The following ZMAT4 variants were observed in gnomAD, a reference collection of about 807,000 sequenced individuals.
The protein encoded by ZMAT4 is zinc finger matrin-type 4, also known as zinc finger matrin-type protein 4.
A neutral mutation model predicts 28.7 loss-of-function variants in ZMAT4; 17 were observed. The observed-to-expected ratio is 0.59, with a 90% CI of 0.41 to 0.89. The LOEUF (loss-of-function observed/expected upper bound fraction) is 0.89. Among genes scored for constraint, ZMAT4 ranks in the 40% least tolerant of loss-of-function variants. The pLI, the probability that ZMAT4 is intolerant of heterozygous loss-of-function variation, is 0.00. For synonymous variants in ZMAT4, 117 were observed against 109.2 expected, an observed-to-expected ratio of 1.07 and a Z score of -0.44; for missense variants, 240 against 283.8, an observed-to-expected ratio of 0.85 and a Z score of 1.11.
At chr8:40,732,264 A>G (rs1811572272) in intron 3 of ZMAT4, among the ~76,000 whole-genome samples, 1 of 142,254 alleles carries the variant, frequency 7.0e-6, no homozygotes, top group Non-Finnish European at 1.6e-5. Flanking sequence ...TGGGAAAAAA[A>G]GAAAAAAAGA....
intron 1 of ZMAT4, among the ~76,000 whole-genome samples, chr8:40,846,227 A>G (rs954498242): frequency 6.6e-6 from 1 of 152,190 alleles, no homozygotes; most frequent in Non-Finnish European, 1.5e-5. Flanking sequence ...TTTCTTATAT[A>G]TAACCTTTTA....
At chr8:40,776,930 T>A (rs547917555) in intron 2 of ZMAT4, among the ~76,000 whole-genome samples, 13 of 152,168 alleles carry the variant, frequency 8.5e-5, no homozygotes, top group African/African-American at 3.1e-4. Context: ...TCTTTCTTTT[T>A]TTTTTTTTTG....
chr8:40,601,607 A>C lies in ZMAT4; in HGVS notation c.578-20346T>G, dbSNP rs1364303507. Among the ~76,000 whole-genome samples the C allele has an allele frequency of 3.8e-4, 3 of 7,882 alleles. No individual in the cohort carries two copies. In the Admixed American group the frequency reaches 4.4e-3, roughly 11 times the overall value. The allele number at this position is 7,882 out of a possible 152,430, so 5.2% of individuals were successfully genotyped here. A position where few individuals can be genotyped will look rare whatever the true frequency, so the allele number is the denominator to read the frequency against. On this transcript the variant is annotated intron_variant, in intron 5 of 6. Coordinates refer to ENST00000297737, the MANE Select transcript of ZMAT4 (RefSeq NM_024645.3). ...GAAAGAAAGAAAGAAAGAAAGAAAG[A>C]AAGAAAGAAAGAAAGAAAGAAAGAA...
chr8:40,626,693 T>A (rs1023677898), intron 5 of ZMAT4, among the ~76,000 whole-genome samples: 2 of 152,170 alleles, frequency 1.3e-5, no homozygotes, highest in Non-Finnish European at 2.9e-5. Context: ...TGGTGTGAAG[T>A]CAGGCCTCTG....
At position 40,786,654 on chromosome 8, in the gene ZMAT4, C is replaced by T. The variant is rs764531637; in HGVS notation, c.103-18924G>A. On this transcript the variant is annotated intron_variant, in intron 2 of 6. Transcript: ENST00000297737. ...CCTTCTGTGAACATCCATTCATTAA[C>T]CATCCTCATTCAGTCCTTGTGCCTC... The T allele has an allele frequency of 4.7e-6, 6 of 1,268,060 alleles. No individual in the cohort carries two copies. In the South Asian group the frequency reaches 7.7e-5, roughly 16 times the overall value. 78.6% of individuals were successfully genotyped at this position (1,268,060 alleles called of 1,614,324 possible). A position where few individuals can be genotyped will look rare whatever the true frequency, so the allele number is the denominator to read the frequency against.
chr8:40,555,284 G>A (rs1292230189), intron 6 of ZMAT4, among the ~76,000 whole-genome samples: 2 of 152,182 alleles, frequency 1.3e-5, no homozygotes, highest in Admixed American at 6.5e-5. Flanking sequence ...ACATGTGAGT[G>A]CAGGTATCCC....
intron 5 of ZMAT4, among the ~76,000 whole-genome samples, chr8:40,601,161 G>C (rs921198360): frequency 6.6e-6 from 1 of 151,928 alleles, no homozygotes; most frequent in Non-Finnish European, 1.5e-5. Flanking sequence ...TGGAGACCAG[G>C]TGACTCCTGG....
At chr8:40,663,266 T>C (rs1445965698) in intron 5 of ZMAT4, among the ~76,000 whole-genome samples, 1 of 152,188 alleles carries the variant, frequency 6.6e-6, no homozygotes, top group Non-Finnish European at 1.5e-5. Context: ...CATATCTCAA[T>C]GCTAACTTCA....
intron 2 of ZMAT4, among the ~76,000 whole-genome samples, chr8:40,788,332 C>T (rs1300136724): frequency 1.3e-5 from 2 of 152,198 alleles, no homozygotes; most frequent in African/African-American, 2.4e-5. Flanking sequence ...CGCCTGTAAT[C>T]CCAGCATTTT....
intron 1 of ZMAT4, among the ~76,000 whole-genome samples, chr8:40,841,751 A>C (rs1238475143): frequency 6.6e-6 from 1 of 152,194 alleles, no homozygotes; most frequent in Admixed American, 6.5e-5. Context: ...AACAAGATAA[A>C]ATGCACTGGG....
At chr8:40,574,953 T>A (rs1804214106) in intron 6 of ZMAT4, among the ~76,000 whole-genome samples, 1 of 152,198 alleles carries the variant, frequency 6.6e-6, no homozygotes, top group African/African-American at 2.4e-5. Flanking sequence ...TCTAAGCTGC[T>A]GCAGCATGGC....
intron 4 of ZMAT4, among the ~76,000 whole-genome samples, chr8:40,676,258 T>C (rs1361051401): frequency 2.0e-5 from 3 of 152,220 alleles, no homozygotes; most frequent in Admixed American, 2.0e-4. Flanking sequence ...CTTTTCATAC[T>C]TCTTAATAAG....
chr8:40,534,420 T>C lies in ZMAT4; in HGVS notation c.675-2182A>G, dbSNP rs1802783504. Reference sequence around the variant, plus strand: ...TCTGAGAGATAAGCTGCATAATTCATGTATTTTCAGAAATTTCTTTAAATA... The same window carrying C: ...TCTGAGAGATAAGCTGCATAATTCACGTATTTTCAGAAATTTCTTTAAATA... On this transcript the variant is annotated intron_variant, in intron 6 of 6. Coordinates refer to ENST00000297737, the MANE Select transcript of ZMAT4 (RefSeq NM_024645.3). 2.0e-5 allele frequency among the ~76,000 whole-genome samples: 3 copies of C among 152,180 alleles called. No individual in the cohort carries two copies. The South Asian group carries it at 6.2e-4, about 32-fold the overall frequency.
At chr8:40,637,332 G>A (rs1806832789) in intron 5 of ZMAT4, among the ~76,000 whole-genome samples, 1 of 152,186 alleles carries the variant, frequency 6.6e-6, no homozygotes, top group South Asian at 2.1e-4. Context: ...GGGAATTGCT[G>A]AGCACCAAAT....
At chr8:40,862,004 C>G (rs1438876508) in intron 1 of ZMAT4, among the ~76,000 whole-genome samples, 2 of 152,178 alleles carry the variant, frequency 1.3e-5, no homozygotes, top group Non-Finnish European at 2.9e-5. Flanking sequence ...TTGTGGAAGA[C>G]AGTCTGGCAA....
chr8:40,881,440 A>AAAGAAAGAAAGAAAG (rs1439699972), intron 1 of ZMAT4, among the ~76,000 whole-genome samples: 15 of 81,668 alleles, frequency 1.8e-4, no homozygotes, highest in African/African-American at 7.2e-4. Flanking sequence ...AGAGAGAAAG[A>AAAGAAAGAAAGAAAG]AAGAAAGAAA....
At chr8:40,673,676 T>C (rs1290111549) in intron 5 of ZMAT4, among the ~76,000 whole-genome samples, 1 of 152,146 alleles carries the variant, frequency 6.6e-6, no homozygotes, top group African/African-American at 2.4e-5. Flanking sequence ...TGATCAAAAG[T>C]ATGTAGGTGA....
intron 1 of ZMAT4, among the ~76,000 whole-genome samples, chr8:40,830,876 C>T (rs1229278909): frequency 1.3e-5 from 2 of 151,980 alleles, no homozygotes; most frequent in Non-Finnish European, 2.9e-5. Flanking sequence ...GCCCTGGTTT[C>T]CTTAGTTGTA....
intron 6 of ZMAT4, among the ~76,000 whole-genome samples, chr8:40,573,240 G>A (rs569382301): frequency 6.4e-4 from 97 of 152,222 alleles, no homozygotes; most frequent in African/African-American, 2.2e-3. Flanking sequence ...CATAATGTGG[G>A]TAGTTTACAG....
Sources: allele counts gnomAD v4.1 joint callset (sites outside exome capture counted in the v4.1 genomes callset), GRCh38; gene constraint gnomAD v4.1.1; transcripts MANE v1.5; gene names NCBI Gene and HGNC (gene_info 2026-07-23, HGNC 2026-07-21).